CTNNA2: variants seen among roughly 807,000 people sequenced by gnomAD.
The protein encoded by CTNNA2 is catenin alpha-2.
CTNNA2 carries 42 observed loss-of-function variants against 101.0 expected under a neutral mutation model. That is an observed-to-expected ratio of 0.42 (90% CI 0.32 to 0.54). The LOEUF (loss-of-function observed/expected upper bound fraction) is 0.54, where lower values mean the gene tolerates loss of function less well. Among genes scored for constraint, CTNNA2 ranks in the 20% least tolerant of loss-of-function variants. The pLI is 0.14. For synonymous variants in CTNNA2, 450 were observed against 456.4 expected (o/e 0.99, Z 0.18); for missense variants, 871 against 1,223.1 (o/e 0.71, Z 4.29).
chr2:79,562,316 G>A (rs916363145), intron 1 of CTNNA2, among the ~76,000 whole-genome samples: 7 of 151,958 alleles, frequency 4.6e-5, no homozygotes, highest in Admixed American at 2.6e-4. Context: ...GATTACAGTA[G>A]CTTTGTGGTA....
At position 79,883,826 on chromosome 2, in the gene CTNNA2, G is replaced by A. The variant is rs13406010; in HGVS notation, c.852+9484G>A. On this transcript the variant is annotated intron_variant, in intron 6 of 18. Transcript: ENST00000402739. ...AGCTCCTTTCCAATATCTTTGAGATGCTTCAACATCTCAAAGATGTTAAAT... is the reference window on the plus strand; with the variant it reads ...AGCTCCTTTCCAATATCTTTGAGATACTTCAACATCTCAAAGATGTTAAAT... 0.028 allele frequency among the ~76,000 whole-genome samples: 4,312 copies of A among 152,118 alleles called. 321 individuals carry two copies. In the East Asian group the frequency reaches 0.31, roughly 11 times the overall value.
At chr2:80,095,354 C>T (rs1479879947) in intron 7 of CTNNA2, among the ~76,000 whole-genome samples, 1 of 152,126 alleles carries the variant, frequency 6.6e-6, no homozygotes, top group African/African-American at 2.4e-5. Flanking sequence ...GGATGAAGCC[C>T]ACTTGATCAT....
intron 3 of CTNNA2, among the ~76,000 whole-genome samples, chr2:79,826,610 C>T (rs896246340): frequency 6.6e-6 from 1 of 152,188 alleles, no homozygotes; most frequent in African/African-American, 2.4e-5. Context: ...TGTTACAAGT[C>T]GTAATGCCAA....
chr2:80,405,228 A>G (rs1209328329), intron 8 of CTNNA2, among the ~76,000 whole-genome samples: 3 of 152,276 alleles, frequency 2.0e-5, no homozygotes, highest in South Asian at 4.1e-4. Context: ...TTGATTCTTT[A>G]TTGACGATCG....
chr2:79,367,684 C>A (rs1677780083), intron 3 of CTNNA2, among the ~76,000 whole-genome samples: 1 of 152,066 alleles, frequency 6.6e-6, no homozygotes, highest in Admixed American at 6.6e-5. Flanking sequence ...TGCTTTCATC[C>A]AGGCAAGAGA....
chr2:80,169,942 A>G (rs190770120), intron 7 of CTNNA2, among the ~76,000 whole-genome samples: 72 of 152,284 alleles, frequency 4.7e-4, no homozygotes, highest in Non-Finnish European at 9.0e-4. Context: ...AGAGTTAGCA[A>G]TACCTACCTG....
At chr2:79,559,076 T>A (rs1674615311) in intron 1 of CTNNA2, among the ~76,000 whole-genome samples, 1 of 151,930 alleles carries the variant, frequency 6.6e-6, no homozygotes, top group South Asian at 2.1e-4. Context: ...AAAATTTTGA[T>A]GAATGAATGC....
chr2:80,069,038 A>T (rs1424590185), intron 7 of CTNNA2, among the ~76,000 whole-genome samples: 1 of 152,238 alleles, frequency 6.6e-6, no homozygotes, highest in Non-Finnish European at 1.5e-5. Flanking sequence ...AGGAGGCCAA[A>T]ATGTCCCCTG....
intron 7 of CTNNA2, among the ~76,000 whole-genome samples, chr2:80,001,440 A>C (rs1394540659): frequency 1.3e-5 from 2 of 152,192 alleles, no homozygotes. Flanking sequence ...AGAGTTTTAA[A>C]AAGCATTTTA....
intron 1 of CTNNA2, among the ~76,000 whole-genome samples, chr2:79,648,511 A>G (rs1020323221): frequency 1.3e-5 from 2 of 152,160 alleles, no homozygotes; most frequent in African/African-American, 4.8e-5. Flanking sequence ...AAGCAATCCA[A>G]TGTTTTACAA....
At chr2:79,978,662 G>C (rs1691041343) in intron 7 of CTNNA2, among the ~76,000 whole-genome samples, 1 of 152,048 alleles carries the variant, frequency 6.6e-6, no homozygotes, top group South Asian at 2.1e-4. Context: ...TTGCTTCCCA[G>C]TCTACACAGT....
intron 1 of CTNNA2, among the ~76,000 whole-genome samples, chr2:79,546,344 A>G (rs766891902): frequency 6.6e-6 from 1 of 152,164 alleles, no homozygotes; most frequent in Non-Finnish European, 1.5e-5. Context: ...ACTCCAACCT[A>G]AAACAGGTTA....
chr2:79,356,283 T>C (rs1444043512), intron 3 of CTNNA2, among the ~76,000 whole-genome samples: 3 of 152,086 alleles, frequency 2.0e-5, no homozygotes, highest in Non-Finnish European at 4.4e-5. Flanking sequence ...AGTCCTCTAC[T>C]CATTTTTTAA....
chr2:79,879,353 A>T (rs1190962411), intron 6 of CTNNA2, among the ~76,000 whole-genome samples: 1 of 152,048 alleles, frequency 6.6e-6, no homozygotes, highest in East Asian at 1.9e-4. Flanking sequence ...TAATTCTGTG[A>T]AGAATGTCAA....
At chr2:79,232,767 G>A (rs925636412) in intron 2 of CTNNA2, among the ~76,000 whole-genome samples, 26 of 152,054 alleles carry the variant, frequency 1.7e-4, no homozygotes, top group Middle Eastern at 3.2e-3. Context: ...TCAATCTTGG[G>A]AAGTTGTGTG....
intron 7 of CTNNA2, among the ~76,000 whole-genome samples, chr2:80,019,520 A>T (rs1160214602): frequency 2.6e-5 from 4 of 152,208 alleles, no homozygotes; most frequent in African/African-American, 9.6e-5. Context: ...CAGTTTACTG[A>T]AGCTAACCAG....
chr2:79,457,070 C>T (rs1433369352), intron 4 of CTNNA2, among the ~76,000 whole-genome samples: 2 of 151,894 alleles, frequency 1.3e-5, no homozygotes, highest in East Asian at 3.9e-4. Flanking sequence ...GGCGCGGTGG[C>T]GGGCGCCTGT....
intron 6 of CTNNA2, among the ~76,000 whole-genome samples, chr2:79,882,619 C>T (rs1683530209): frequency 6.6e-6 from 1 of 152,250 alleles, no homozygotes; most frequent in South Asian, 2.1e-4. Context: ...CCTTACCCCT[C>T]CCAGGAAGCT....
intron 1 of CTNNA2, among the ~76,000 whole-genome samples, chr2:79,583,223 A>AAT (rs1676259501): frequency 2.0e-5 from 3 of 151,106 alleles, no homozygotes; most frequent in Admixed American, 6.6e-5. Flanking sequence ...ATATATATAA[A>AAT]ATATATATAT....
Sources: allele counts gnomAD v4.1 joint callset (sites outside exome capture counted in the v4.1 genomes callset), GRCh38; gene constraint gnomAD v4.1.1; transcripts MANE v1.5; gene names NCBI Gene and HGNC (gene_info 2026-07-23, HGNC 2026-07-21).